The following CSMD1 variants were observed in gnomAD, a reference collection of about 807,000 sequenced individuals.
The protein encoded by CSMD1 is CUB and sushi domain-containing protein 1.
CSMD1 carries 213 observed loss-of-function variants against 417.5 expected under a neutral mutation model. The ratio of observed to expected loss-of-function variants is 0.51; its 90% CI spans 0.46 to 0.57. The LOEUF is 0.57. Among genes scored for constraint, CSMD1 ranks in the 20% least tolerant of loss-of-function variants. The pLI is 0.00. For synonymous variants in CSMD1, 2,862 were observed against 1,736.8 expected, an observed-to-expected ratio of 1.65 and a Z score of -16.11; for missense variants, 6,923 against 4,529.7, an observed-to-expected ratio of 1.53 and a Z score of -15.17.
intron 39 of CSMD1, among the ~76,000 whole-genome samples, chr8:3,154,606 C>T (rs530381279): frequency 3.4e-4 from 51 of 152,132 alleles, no homozygotes; most frequent in African/African-American, 1.2e-3. Flanking sequence ...CTGAAGAGCC[C>T]TGCGGTGCAG....
chr8:4,025,268 C>T (rs939805717), intron 4 of CSMD1, among the ~76,000 whole-genome samples: 1 of 152,156 alleles, frequency 6.6e-6, no homozygotes, highest in Admixed American at 6.5e-5. Flanking sequence ...TCCTTTCTAC[C>T]TTCTTGTATG....
At chr8:4,375,046 G>C (rs11786916) in intron 3 of CSMD1, among the ~76,000 whole-genome samples, 2 of 149,798 alleles carry the variant, frequency 1.3e-5, no homozygotes, top group African/African-American at 2.5e-5. Flanking sequence ...TGAAGATTAA[G>C]AGGCTGTTAT....
chr8:3,266,297 G>T (rs751096454), intron 26 of CSMD1, among the ~76,000 whole-genome samples: 2 of 151,342 alleles, frequency 1.3e-5, no homozygotes, highest in African/African-American at 4.9e-5. Flanking sequence ...CCACAGTTCT[G>T]CAAGGGGCCG....
chr8:4,133,573 T>C (rs990331301), intron 3 of CSMD1, among the ~76,000 whole-genome samples: 2 of 152,204 alleles, frequency 1.3e-5, no homozygotes, highest in African/African-American at 4.8e-5. Flanking sequence ...AAGCCGTGCA[T>C]TAACGCCGAT....
intron 5 of CSMD1, among the ~76,000 whole-genome samples, chr8:3,783,293 T>C (rs954599651): frequency 1.3e-5 from 2 of 152,210 alleles, no homozygotes; most frequent in African/African-American, 2.4e-5. Flanking sequence ...CCATTAGAAA[T>C]ACTGGGATGG....
At chr8:4,413,963 T>C (rs1360475153) in intron 3 of CSMD1, among the ~76,000 whole-genome samples, 1 of 152,210 alleles carries the variant, frequency 6.6e-6, no homozygotes, top group African/African-American at 2.4e-5. Flanking sequence ...CTATAATTGT[T>C]ATAAATCTAC....
At chr8:4,438,139 A>G (rs886554144) in intron 2 of CSMD1, among the ~76,000 whole-genome samples, 1 of 152,150 alleles carries the variant, frequency 6.6e-6, no homozygotes, top group Non-Finnish European at 1.5e-5. Context: ...AAAAGAATTG[A>G]GTGTGCTTCC....
intron 3 of CSMD1, among the ~76,000 whole-genome samples, chr8:4,188,002 C>T (rs1452338615): frequency 6.6e-6 from 1 of 151,956 alleles, no homozygotes; most frequent in Non-Finnish European, 1.5e-5. Flanking sequence ...CCTAAAAAGC[C>T]AATACCTTTT....
chr8:4,888,614 C>T (rs1803908436), intron 1 of CSMD1, among the ~76,000 whole-genome samples: 1 of 151,986 alleles, frequency 6.6e-6, no homozygotes, highest in African/African-American at 2.4e-5. Context: ...GACATCCCAA[C>T]ACCAAAAAGC....
At chr8:4,055,288 T>C (rs1218492066) in intron 3 of CSMD1, among the ~76,000 whole-genome samples, 2 of 152,156 alleles carry the variant, frequency 1.3e-5, no homozygotes, top group African/African-American at 2.4e-5. Context: ...ATTATTGTTT[T>C]TCTCTAGAAA....
chr8:3,713,609 G>C (rs571487827), intron 6 of CSMD1, among the ~76,000 whole-genome samples: 3 of 152,144 alleles, frequency 2.0e-5, no homozygotes, highest in African/African-American at 7.2e-5. Context: ...TAATACACCC[G>C]TACCGTCCTT....
intron 1 of CSMD1, among the ~76,000 whole-genome samples, chr8:4,646,496 A>T (rs1409616971): frequency 2.0e-5 from 3 of 152,196 alleles, no homozygotes; most frequent in African/African-American, 7.2e-5. Context: ...ATGTAGTTTA[A>T]TTGGGATACT....
intron 2 of CSMD1, among the ~76,000 whole-genome samples, chr8:4,569,655 GT>G (rs1020395434): frequency 6.6e-6 from 1 of 150,954 alleles, no homozygotes; most frequent in African/African-American, 2.4e-5. Flanking sequence ...ATGACCTTTA[GT>G]TTTTTTCTAA....
chr8:3,455,676 T>G (rs1417577872), intron 12 of CSMD1, among the ~76,000 whole-genome samples: 4 of 152,192 alleles, frequency 2.6e-5, no homozygotes, highest in Non-Finnish European at 5.9e-5. Context: ...TCTGGAAATT[T>G]TGTCTCAGAG....
intron 37 of CSMD1, among the ~76,000 whole-genome samples, chr8:3,169,120 T>G (rs991443751): frequency 1.3e-5 from 2 of 152,170 alleles, no homozygotes; most frequent in Admixed American, 1.3e-4. Context: ...TGGTAAGTAA[T>G]GTATTCAAGG....
intron 5 of CSMD1, among the ~76,000 whole-genome samples, chr8:3,955,403 G>C (rs1042822525): frequency 6.6e-6 from 1 of 152,162 alleles, no homozygotes; most frequent in Admixed American, 6.5e-5. Context: ...ATGACTCTAA[G>C]CTTCCATTTA....
intron 3 of CSMD1, among the ~76,000 whole-genome samples, chr8:4,212,933 G>C (rs914476928): frequency 2.6e-5 from 4 of 152,084 alleles, no homozygotes; most frequent in Non-Finnish European, 5.9e-5. Context: ...TTCCCAACTA[G>C]CTTTCCTTCC....
intron 33 of CSMD1, among the ~76,000 whole-genome samples, chr8:3,195,941 G>A (rs1193823630): frequency 6.6e-6 from 1 of 152,042 alleles, no homozygotes; most frequent in Non-Finnish European, 1.5e-5. Flanking sequence ...CTTCAATAGG[G>A]GCTGTATAAA....
chr8:4,015,590 G>C (rs995968458), intron 4 of CSMD1, among the ~76,000 whole-genome samples: 2 of 149,944 alleles, frequency 1.3e-5, no homozygotes, highest in African/African-American at 2.5e-5. Flanking sequence ...GTGGCATCTT[G>C]GCCCAATGAC....
Sources: gnomAD v4.1 joint callset for allele counts (sites outside exome capture counted in the v4.1 genomes callset) on GRCh38, gnomAD v4.1.1 for gene constraint, MANE v1.5 for transcripts, NCBI Gene and HGNC (gene_info 2026-07-23, HGNC 2026-07-21) for gene names.